Variants in SNX8 observed in about 807,000 individuals in gnomAD.
SNX8 encodes the protein sorting nexin 8.
A neutral mutation model predicts 51.6 loss-of-function variants in SNX8; 25 were observed. The observed-to-expected ratio is 0.48, with a 90% CI of 0.35 to 0.68. The LOEUF (loss-of-function observed/expected upper bound fraction) is 0.68. Among genes scored for constraint, SNX8 ranks in the 30% least tolerant of loss-of-function variants. The pLI is 0.00. For missense variants in SNX8, 695 were observed against 624.0 expected (o/e 1.11, Z -1.21); for synonymous variants, 324 against 277.0 (o/e 1.17, Z -1.68).
chr7:2,291,787 A>G (rs2115167943), intron 1 of SNX8, among the ~76,000 whole-genome samples: 1 of 152,164 alleles, frequency 6.6e-6, no homozygotes, highest in Admixed American at 6.5e-5. Flanking sequence ...ACACTCCTAC[A>G]ACTGGCTTCA....
intron 1 of SNX8, among the ~76,000 whole-genome samples, chr7:2,348,549 G>A (rs1779077483): frequency 6.6e-6 from 1 of 151,510 alleles, no homozygotes; most frequent in Admixed American, 6.6e-5. Context: ...CACCGTGTTA[G>A]CCAGGATGGT....
intron 1 of SNX8, among the ~76,000 whole-genome samples, chr7:2,296,715 G>A (rs1796280194): frequency 6.6e-6 from 1 of 151,856 alleles, no homozygotes; most frequent in African/African-American, 2.4e-5. Flanking sequence ...TGGATCACCT[G>A]AGGTCAGGAG....
upstream of SNX8, among the ~76,000 whole-genome samples, chr7:2,318,235 A>G (rs1318521725): frequency 6.6e-6 from 1 of 152,046 alleles, no homozygotes; most frequent in Non-Finnish European, 1.5e-5. Flanking sequence ...TTGGTCTCAA[A>G]CTAGATTATA....
intron 1 of SNX8, among the ~76,000 whole-genome samples, chr7:2,293,678 G>A (rs770534490): frequency 4.3e-4 from 64 of 148,086 alleles, no homozygotes; most frequent in Non-Finnish European, 8.5e-4. Flanking sequence ...TAAAAAAAGA[G>A]GCCAGGCCAG....
intron 1 of SNX8, among the ~76,000 whole-genome samples, chr7:2,352,324 C>T (rs1007239361): frequency 1.3e-5 from 2 of 152,064 alleles, no homozygotes; most frequent in African/African-American, 4.8e-5. Context: ...ACAGTAGCCC[C>T]CCCGACCCCC....
At chr7:2,308,828 G>T (rs557443786) in intron 1 of SNX8, among the ~76,000 whole-genome samples, 1 of 140,204 alleles carries the variant, frequency 7.1e-6, no homozygotes, top group East Asian at 2.1e-4. Flanking sequence ...CTGTCAACCA[G>T]GCTGCAGCGC....
chr7:2,324,765 T>C lies in SNX8; in HGVS notation c.-66+29457A>G, dbSNP rs1205189635. On this transcript the variant is annotated intron_variant, in intron 1 of 5. Transcript: ENST00000435336. ...CATTCTCACAACCCTTGTGGGCATTTGCCCTGTGTTATAAAGCTACCAATT... is the reference window on the plus strand; with the variant it reads ...CATTCTCACAACCCTTGTGGGCATTCGCCCTGTGTTATAAAGCTACCAATT... Among the ~76,000 whole-genome samples the C allele has an allele frequency of 3.3e-5, 5 of 152,144 alleles. No homozygotes were observed. The East Asian group carries it at 9.6e-4, about 29-fold the overall frequency.
At chr7:2,272,627 C>T (rs1407420659) in intron 3 of SNX8, among the ~76,000 whole-genome samples, 1 of 152,032 alleles carries the variant, frequency 6.6e-6, no homozygotes, top group Non-Finnish European at 1.5e-5. Context: ...CCACCTGCCT[C>T]GGCCTCCCAA....
At chr7:2,303,281 TG>T (rs1285032893) in intron 1 of SNX8, among the ~76,000 whole-genome samples, 1 of 123,344 alleles carries the variant, frequency 8.1e-6, no homozygotes, top group African/African-American at 3.4e-5. Context: ...GGGAGGGAGG[TG>T]GGGGGGTCAG....
At chr7:2,302,294 G>A (rs1284013922) in intron 1 of SNX8, among the ~76,000 whole-genome samples, 1 of 152,150 alleles carries the variant, frequency 6.6e-6, no homozygotes, top group Non-Finnish European at 1.5e-5. Context: ...TGGTGGAGAC[G>A]GGGTTTCGCT....
chr7:2,353,911 T>C (rs530885048), intron 1 of SNX8, among the ~76,000 whole-genome samples: 1 of 152,284 alleles, frequency 6.6e-6, no homozygotes, highest in South Asian at 2.1e-4. Context: ...GGTTGTTTTC[T>C]AGGATGATTA....
intron 1 of SNX8, among the ~76,000 whole-genome samples, chr7:2,306,036 C>T (rs1206569593): frequency 6.6e-6 from 1 of 152,192 alleles, no homozygotes; most frequent in Admixed American, 6.5e-5. Context: ...ACGGCATCTT[C>T]CTCGATTTTC....
intron 1 of SNX8, among the ~76,000 whole-genome samples, chr7:2,322,624 G>A (rs1303086907): frequency 6.6e-6 from 1 of 152,034 alleles, no homozygotes; most frequent in African/African-American, 2.4e-5. Flanking sequence ...AACCCAGGAG[G>A]TGGATGTTGC....
chr7:2,278,075 G>T, intron 2 of SNX8, 25 bp downstream of exon 2: 1 of 1,606,812 alleles, frequency 6.2e-7, no homozygotes, highest in South Asian at 1.1e-5. Flanking sequence ...CTCCTGCCCC[G>T]ACACACACAC....
At chr7:2,344,472 C>T (rs917864611) in intron 1 of SNX8, among the ~76,000 whole-genome samples, 8 of 148,830 alleles carry the variant, frequency 5.4e-5, no homozygotes, top group Non-Finnish European at 7.5e-5. Flanking sequence ...ATTAGCCGGG[C>T]GTGGTGGTGG....
Position 2,314,349 on chromosome 7 carries a change from C to G in SNX8, c.73G>C (p.Glu25Gln), listed in dbSNP as rs1040090833. ...GAAAEAEADE[E>Q]ADPPASDLPT... The stretch of plus-strand genomic sequence containing the variant: ...CTACCTGACGCCGGGGGATCCGCCT[C>G]CTCGTCAGCCTCCGCCTCAGCTGCC... The change falls in exon 1 of 11, where the codon GAG becomes CAG. Residue 25 changes from glutamate to glutamine, a missense_variant. By Grantham distance (29) the Glu-to-Gln change is conservative. Transcript: ENST00000222990. 2 of 1,224,024 alleles carry G rather than the reference C, an allele frequency of 1.6e-6. No homozygotes were observed. The highest frequency in any genetic ancestry group is 3.2e-5 in the East Asian group (1 of 30,992). 75.8% of individuals were successfully genotyped at this position (1,224,024 alleles called of 1,614,324 possible).
chr7:2,340,132 A>G (rs949266694), intron 1 of SNX8, among the ~76,000 whole-genome samples: 16 of 151,390 alleles, frequency 1.1e-4, no homozygotes, highest in African/African-American at 4.9e-5. Flanking sequence ...GCACGATCTC[A>G]GCTCACTGCA....
intron 1 of SNX8, among the ~76,000 whole-genome samples, chr7:2,282,002 A>G (rs1795917491): frequency 6.6e-6 from 1 of 152,082 alleles, no homozygotes; most frequent in African/African-American, 2.4e-5. Context: ...CTGGACTTGG[A>G]AGTGTCTTGC....
chr7:2,254,887 T>A lies in SNX8; in HGVS notation c.*169A>T, dbSNP rs1795136425. ...GGACAGTGTGGCCCAGCTGCCCCCA[T>A]GGTCCACGGATGCGCCTCCCGACCC... On this transcript the variant is annotated 3_prime_UTR_variant, in exon 11 of 11. Coordinates refer to ENST00000222990, the MANE Select transcript of SNX8 (RefSeq NM_013321.4). The A allele has an allele frequency of 3.2e-6, 2 of 630,236 alleles. No individual in the cohort carries two copies. Among genetic ancestry groups the A allele is most frequent in the South Asian group, 3.6e-5 (2 of 55,876 alleles). 39.0% of individuals were successfully genotyped at this position (630,236 alleles called of 1,614,324 possible). A position where few individuals can be genotyped will look rare whatever the true frequency, so the allele number is the denominator to read the frequency against.
Sources: gnomAD v4.1 joint callset for allele counts (sites outside exome capture counted in the v4.1 genomes callset) on GRCh38, gnomAD v4.1.1 for gene constraint, MANE v1.5 for transcripts, NCBI Gene and HGNC (gene_info 2026-07-23, HGNC 2026-07-21) for gene names.